The following TGM4 variants were observed in gnomAD, a reference collection of about 807,000 sequenced individuals.
TGM4 encodes transglutaminase 4.
TGM4 carries 61 observed loss-of-function variants against 76.3 expected under a neutral mutation model. The ratio of observed to expected loss-of-function variants is 0.80; its 90% confidence interval spans 0.65 to 0.99. The LOEUF is 0.99. TGM4 is among the 50% of genes least tolerant of loss of function. The pLI is 0.00. For missense variants in TGM4, 794 were observed against 843.2 expected, an observed-to-expected ratio of 0.94 and a Z score of 0.72; for synonymous variants, 337 against 329.8, an observed-to-expected ratio of 1.02 and a Z score of -0.24.
At chr3:44,901,412 A>T in intron 6 of TGM4, 112 bp from the exon 7 acceptor site, 1 of 1,284,522 alleles carries the variant, frequency 7.8e-7, no homozygotes, top group Non-Finnish European at 1.1e-6. Context: ...TCCTCCAAGT[A>T]CTCTGAGACA....
At chr3:44,903,749 C>A (rs1179097094) in intron 8 of TGM4, 135 bp from the exon 9 acceptor site, 14 of 808,062 alleles carry the variant, frequency 1.7e-5, no homozygotes, top group Non-Finnish European at 1.3e-5. Context: ...CCAGTGTTGA[C>A]AAAGGTTCCC....
chr3:44,887,551 G>A, intron 2 of TGM4, 138 bp from the exon 3 acceptor site: 1 of 697,796 alleles, frequency 1.4e-6, no homozygotes, highest in Non-Finnish European at 2.4e-6. Flanking sequence ...AATTAGAGGG[G>A]CTGGAGCCAG....
At position 44,907,034 on chromosome 3, in the gene TGM4, A is replaced by G; in HGVS notation, c.1161A>G (p.Ser387=). The stretch of plus-strand genomic sequence containing the variant: ...TCTATGACACCAGATTCGTCTTCTC[A>G]GAAGTGAATGGTGACAGGCTCATCT... The part of the protein sequence containing the change: ...FIVYDTRFVF[S]EVNGDRLIWL... Residue 387 remains serine (S), a synonymous_variant, in exon 10 of 14, where the codon TCA becomes TCG. Transcript: ENST00000296125. 1 of 1,614,196 alleles carries G rather than the reference A, an allele frequency of 6.2e-7. No individual in the cohort carries two copies. The highest frequency in any genetic ancestry group is 1.1e-5 in the South Asian group (1 of 91,080).
intron 2 of TGM4, among the ~76,000 whole-genome samples, chr3:44,887,043 G>A (rs1000728206): frequency 6.6e-6 from 1 of 152,228 alleles, no homozygotes; most frequent in Non-Finnish European, 1.5e-5. Context: ...GCAAGTGCCA[G>A]GGCCCTGAGG....
Position 44,887,959 on chromosome 3 carries a change from C to G in TGM4, c.300+164C>G, listed in dbSNP as rs1441134522. On this transcript the variant is annotated intron_variant, in intron 3 of 13. Coordinates refer to ENST00000296125, the MANE Select transcript of TGM4 (RefSeq NM_003241.4). ...GCCATGGCTCCAAATGTCTGTTTCC[C>G]CACTCAGCCTCCTCCAAGCACACAG... 21 of 645,068 alleles carry G rather than the reference C, an allele frequency of 3.3e-5. No homozygotes were observed. In the East Asian group the frequency reaches 5.5e-4, roughly 17 times the overall value. 40.0% of individuals were successfully genotyped at this position (645,068 alleles called of 1,614,324 possible). A position where few individuals can be genotyped will look rare whatever the true frequency, so the allele number is the denominator to read the frequency against.
intron 6 of TGM4, chr3:44,899,658 G>A (rs59841453): frequency 0.1 from 15,909 of 152,272 alleles, 867 homozygotes; most frequent in African/African-American, 0.13. Flanking sequence ...CAGTGAGTGC[G>A]TTCATTATCC....
intron 4 of TGM4, among the ~76,000 whole-genome samples, chr3:44,892,319 T>C (rs930307193): frequency 1.3e-5 from 2 of 151,476 alleles, no homozygotes; most frequent in Non-Finnish European, 2.9e-5. Flanking sequence ...AGCATAACAC[T>C]TTCATCTACT....
At chr3:44,904,101 TTCCC>T in intron 9 of TGM4, 114 bp downstream of exon 9, 1 of 920,502 alleles carries the variant, frequency 1.1e-6, no homozygotes, top group Admixed American at 2.2e-5. Context: ...TCATAAAAAT[TTCCC>T]AAAACAAAAA....
intron 8 of TGM4, 121 bp downstream of exon 8, chr3:44,902,052 C>A: frequency 8.2e-7 from 1 of 1,226,884 alleles, no homozygotes; most frequent in Non-Finnish European, 1.1e-6. Flanking sequence ...GTCAAGCAGT[C>A]CTCCTGCCTT....
chr3:44,892,255 C>T (rs1699710823), intron 4 of TGM4, among the ~76,000 whole-genome samples: 1 of 150,542 alleles, frequency 6.6e-6, no homozygotes, highest in African/African-American at 2.4e-5. Context: ...GAGACTCTGT[C>T]TCAAAAATAA....
Position 44,910,272 on chromosome 3 carries a change from G to A in TGM4, c.1510G>A (p.Val504Ile). ...AAGGAAGACCGCTGCCCTACAGAAT[G>A]TCAACATCTTGGGCTCCTTTGAACT... ...LKRKTAALQN[V>I]NILGSFELQL... Residue 504 changes from valine (V) to isoleucine (I), a missense_variant, in exon 11 of 14, where the codon GTC becomes ATC. Physicochemically the swap from Val to Ile is conservative, Grantham distance 29 (BLOSUM62 3). Coordinates refer to ENST00000296125, the MANE Select transcript of TGM4 (RefSeq NM_003241.4). The A allele has an allele frequency of 6.2e-7, 1 of 1,614,222 alleles. No homozygotes were observed. The highest frequency in any genetic ancestry group is 8.5e-7 in the Non-Finnish European group (1 of 1,180,038).
In TGM4 at chr3:44,903,920, A is replaced by G; in HGVS notation, c.1008A>G (p.Arg336=). 6.2e-7 allele frequency: 1 copy of G among 1,614,154 alleles called. No homozygotes were observed. Among genetic ancestry groups the G allele is most frequent in the Non-Finnish European group, 8.5e-7 (1 of 1,180,034 alleles). The change falls in exon 9 of 14, where the codon CGA becomes CGG. Residue 336 remains arginine, a synonymous_variant. Transcript: ENST00000296125. The part of the protein sequence containing the change: ...FHVWTDAWMK[R]PDLPKGYDGW... ...TGTGGACGGATGCCTGGATGAAGCGACCGGATCTGCCCAAGGGCTACGACG... is the reference window on the plus strand; with the variant it reads ...TGTGGACGGATGCCTGGATGAAGCGGCCGGATCTGCCCAAGGGCTACGACG...
rs766152403 is a variant in TGM4 at position 44,903,920 on chromosome 3, A to C, written c.1008A>C (p.Arg336=). 6.2e-7 allele frequency: 1 copy of C among 1,614,154 alleles called. No homozygotes were observed. Among genetic ancestry groups the C allele is most frequent in the South Asian group, 1.1e-5 (1 of 91,084 alleles). Residue 336 remains arginine, a synonymous_variant, in exon 9 of 14, where the codon CGA becomes CGC. Coordinates refer to ENST00000296125, the MANE Select transcript of TGM4 (RefSeq NM_003241.4). Reference sequence around the variant, plus strand: ...TGTGGACGGATGCCTGGATGAAGCGACCGGATCTGCCCAAGGGCTACGACG... The same window carrying C: ...TGTGGACGGATGCCTGGATGAAGCGCCCGGATCTGCCCAAGGGCTACGACG... The part of the protein sequence containing the change: ...FHVWTDAWMK[R]PDLPKGYDGW...
In TGM4 at chr3:44,914,316, G is replaced by C. The variant is rs1283650144; in HGVS notation, c.*591G>C. The C allele has an allele frequency of 2.0e-5, 3 of 153,032 alleles. No individual in the cohort carries two copies. Among genetic ancestry groups the C allele is most frequent in the Non-Finnish European group, 4.4e-5 (3 of 68,690 alleles). 9.5% of individuals were successfully genotyped at this position (153,032 alleles called of 1,614,324 possible). A position where few individuals can be genotyped will look rare whatever the true frequency, so the allele number is the denominator to read the frequency against. ...AAGGACATTTCTCAAGGGCCATGTG[G>C]TTTTGCAGACAACCCTGTCCTCAGG... On this transcript the variant is annotated 3_prime_UTR_variant, in exon 14 of 14. Transcript: ENST00000296125.
Position 44,911,258 on chromosome 3 carries a change from A to C in TGM4, c.1777-12A>C, listed in dbSNP as rs1700001729. On this transcript the variant is annotated splice_polypyrimidine_tract_variant and intron_variant, in intron 12 of 13. Transcript: ENST00000296125. The stretch of plus-strand genomic sequence containing the variant: ...TCTTCTCTCCCCATCTCTCCTCCCC[A>C]CCCTACTACAGTTGCCTAACACAGG... The C allele has an allele frequency of 5.0e-6, 8 of 1,613,598 alleles. No individual in the cohort carries two copies. Among genetic ancestry groups the C allele is most frequent in the Non-Finnish European group, 5.1e-6 (6 of 1,179,906 alleles).
intron 2 of TGM4, among the ~76,000 whole-genome samples, chr3:44,886,353 G>C (rs1329896009): frequency 6.6e-6 from 1 of 152,122 alleles, no homozygotes; most frequent in African/African-American, 2.4e-5. Flanking sequence ...AAAAAAATTA[G>C]ATCAGGTAGA....
At chr3:44,906,923 A>T (rs755841340) in intron 9 of TGM4, 26 bp from the exon 10 acceptor site, 2 of 1,608,226 alleles carry the variant, frequency 1.2e-6, no homozygotes, top group Non-Finnish European at 1.7e-6. Flanking sequence ...CCCCACTGAG[A>T]GTGACCACCC....
chr3:44,897,297 C>T (rs1043673237), intron 6 of TGM4, among the ~76,000 whole-genome samples: 2 of 152,212 alleles, frequency 1.3e-5, no homozygotes, highest in Admixed American at 1.3e-4. Context: ...GGCCACCGCG[C>T]CCGGCTTTCA....
At chr3:44,893,952 A>ATGGCTCTCTCC (rs1559614145) in intron 5 of TGM4, among the ~76,000 whole-genome samples, 10 of 22,454 alleles carry the variant, frequency 4.5e-4, no homozygotes, top group Non-Finnish European at 6.1e-4. Context: ...CCCACCCCCC[A>ATGGCTCTCTCC]CAGCTCTCTC....
Sources: allele counts gnomAD v4.1 joint callset (sites outside exome capture counted in the v4.1 genomes callset), GRCh38; gene constraint gnomAD v4.1.1; transcripts MANE v1.5; gene names NCBI Gene and HGNC (gene_info 2026-07-23, HGNC 2026-07-21).